The following VPS50 variants were observed in gnomAD, a reference collection of about 807,000 sequenced individuals.
The protein encoded by VPS50 is syndetin.
A neutral mutation model predicts 139.7 loss-of-function variants in VPS50; 70 were observed. That is an observed-to-expected ratio of 0.50 (90% confidence interval 0.41 to 0.61). The LOEUF is 0.61. Among genes scored for constraint, VPS50 ranks in the 20% least tolerant of loss-of-function variants. The pLI is 0.00. For synonymous variants in VPS50, 365 were observed against 376.7 expected (o/e 0.97, Z 0.36); for missense variants, 921 against 1,133.7 (o/e 0.81, Z 2.69).
chr7:93,237,937 G>A (rs1010583831), intron 1 of VPS50, among the ~76,000 whole-genome samples: 1 of 152,016 alleles, frequency 6.6e-6, no homozygotes, highest in African/African-American at 2.4e-5. Context: ...GTTTTCTTCT[G>A]TATGTTTCCA....
intron 20 of VPS50, among the ~76,000 whole-genome samples, chr7:93,321,375 C>T (rs1457067131): frequency 6.6e-6 from 1 of 152,144 alleles, no homozygotes; most frequent in Non-Finnish European, 1.5e-5. Flanking sequence ...GGCATATAAG[C>T]CTCCTCAAGC....
rs983762132 is a variant in VPS50 at position 93,356,098 on chromosome 7, G to A, written c.2775+18G>A. 2 of 1,272,926 alleles carry A rather than the reference G, an allele frequency of 1.6e-6. No homozygotes were observed. The highest frequency in any genetic ancestry group is 2.1e-6 in the Non-Finnish European group (2 of 943,232). The allele number at this position is 1,272,926 out of a possible 1,614,324, so 78.9% of individuals were successfully genotyped here. On this transcript the variant is annotated intron_variant, in intron 27 of 27. Coordinates refer to ENST00000305866, the MANE Select transcript of VPS50 (RefSeq NM_017667.4). ...AGCACAGGGTGAGAGCTGGAAAATAGTTAATTAAGTTTTTATTCCTTTTTC... is the reference window on the plus strand; with the variant it reads ...AGCACAGGGTGAGAGCTGGAAAATAATTAATTAAGTTTTTATTCCTTTTTC...
At chr7:93,343,178 T>G (rs1056801197) in intron 23 of VPS50, among the ~76,000 whole-genome samples, 1 of 151,824 alleles carries the variant, frequency 6.6e-6, no homozygotes, top group African/African-American at 2.4e-5. Flanking sequence ...GAGAACTACG[T>G]GAAGAATGCA....
chr7:93,344,145 C>G (rs1413745518), intron 23 of VPS50, among the ~76,000 whole-genome samples: 1 of 151,948 alleles, frequency 6.6e-6, no homozygotes. Context: ...ATCTACCAAG[C>G]AAATCGAAAA....
intron 9 of VPS50, among the ~76,000 whole-genome samples, chr7:93,269,022 G>A (rs776649995): frequency 4.6e-5 from 7 of 152,098 alleles, no homozygotes; most frequent in Non-Finnish European, 1.0e-4. Flanking sequence ...GAGATTTTCA[G>A]CTTTATTTGA....
intron 2 of VPS50, among the ~76,000 whole-genome samples, chr7:93,246,921 T>C (rs1217846308): frequency 6.6e-6 from 1 of 151,890 alleles, no homozygotes; most frequent in African/African-American, 2.4e-5. Context: ...CATAGCTGAA[T>C]CCCCAATTCC....
intron 16 of VPS50, among the ~76,000 whole-genome samples, chr7:93,299,125 T>C (rs901516056): frequency 6.6e-6 from 1 of 152,234 alleles, no homozygotes; most frequent in African/African-American, 2.4e-5. Flanking sequence ...AAGTTTAAGG[T>C]AGTCTAGTTT....
At chr7:93,323,171 AATATTTTCTTAAAT>A (rs1188381186) in intron 20 of VPS50, 1 of 152,148 alleles carries the variant, frequency 6.6e-6, no homozygotes, top group Admixed American at 6.5e-5. Context: ...ATGAAAAATA[AATATTTTCTTAAAT>A]ATATTTTATT....
chr7:93,358,214 C>T, intron 27 of VPS50, 103 bp from the exon 28 acceptor site: 2 of 1,017,568 alleles, frequency 2.0e-6, no homozygotes, highest in South Asian at 1.4e-5. Context: ...TTATAATGCT[C>T]AGTAACTATC....
intron 25 of VPS50, among the ~76,000 whole-genome samples, chr7:93,352,125 A>T (rs1798579303): frequency 6.6e-6 from 1 of 152,190 alleles, no homozygotes; most frequent in Non-Finnish European, 1.5e-5. Flanking sequence ...TAATTTAGCA[A>T]TAAGTAGAAT....
intron 13 of VPS50, among the ~76,000 whole-genome samples, chr7:93,293,354 T>C (rs907784593): frequency 5.3e-5 from 8 of 152,206 alleles, no homozygotes; most frequent in Non-Finnish European, 8.8e-5. Flanking sequence ...TATGTATATA[T>C]TCATCATGGT....
Position 93,265,397 on chromosome 7 carries a change from T to C in VPS50, c.659+5765T>C, listed in dbSNP as rs568368144. Among the ~76,000 whole-genome samples, 191 of 152,220 alleles carry C rather than the reference T, an allele frequency of 1.3e-3. 1 individual carries two copies. The highest frequency in any genetic ancestry group is 4.4e-3 in the African/African-American group (182 of 41,558). ...CTGTAGACAAAAAGTAAACAAACGG[T>C]TGTGGCTATGTTCTACTAAAACTTT... On this transcript the variant is annotated intron_variant, in intron 9 of 27. Coordinates refer to ENST00000305866, the MANE Select transcript of VPS50 (RefSeq NM_017667.4).
Position 93,326,454 on chromosome 7 carries a change from AAAAAAAAAAT to A in VPS50, c.1977+2727_1977+2736del, listed in dbSNP as rs1370802256. ...CTAAAACTTAAAGTATAATAATAAT[AAAAAAAAAAT>A]AAAATAAAATAAAATAATACAGTAT... On this transcript the variant is annotated intron_variant, in intron 21 of 27. Transcript: ENST00000305866. 3.4e-3 allele frequency among the ~76,000 whole-genome samples: 295 copies of A among 86,648 alleles called. 2 individuals carry two copies. The highest frequency in any genetic ancestry group is 0.015 in the African/African-American group (278 of 18,324). 56.8% of individuals were successfully genotyped at this position (86,648 alleles called of 152,430 possible).
At chr7:93,253,125 G>A (rs1795384832) in intron 3 of VPS50, among the ~76,000 whole-genome samples, 1 of 152,118 alleles carries the variant, frequency 6.6e-6, no homozygotes, top group Non-Finnish European at 1.5e-5. Context: ...GTTTAGTGAT[G>A]ATAAAAATTC....
At chr7:93,277,347 T>G (rs1796188264) in intron 12 of VPS50, among the ~76,000 whole-genome samples, 1 of 152,216 alleles carries the variant, frequency 6.6e-6, no homozygotes, top group Non-Finnish European at 1.5e-5. Context: ...ATTTCTTCCT[T>G]TAGCCTAAGA....
Position 93,356,013 on chromosome 7 carries a change from T to G in VPS50, c.2708T>G (p.Val903Gly). The G allele has an allele frequency of 6.3e-7, 1 of 1,583,074 alleles. No individual in the cohort carries two copies. Among genetic ancestry groups the G allele is most frequent in the Non-Finnish European group, 8.6e-7 (1 of 1,156,652 alleles). The change falls in exon 27 of 28, where the codon GTA (valine) becomes GGA (glycine). Residue 903 changes from valine (V) to glycine (G), a missense_variant. Physicochemically the swap from Val to Gly is moderately radical, Grantham distance 109 (BLOSUM62 -3). Transcript: ENST00000305866. ...AGACCCATTCCTGATAAAGAATTTG[T>G]AGAAACTTATATTAAAGCTTATTAC... ...DIRPIPDKEF[V>G]ETYIKAYYLT...
In VPS50 at chr7:93,303,476, C is replaced by T. The variant is rs771109088; in HGVS notation, c.1378C>T (p.Leu460=). 8.3e-6 allele frequency: 13 copies of T among 1,567,418 alleles called. No homozygotes were observed. The highest frequency in any genetic ancestry group is 4.1e-5 in the African/African-American group (3 of 73,640). ...KNYHRTRLDE[L]RMFLENETWE... is the part of the protein sequence containing the mutation. The stretch of plus-strand genomic sequence containing the variant: ...TTTTTTAAGAACACGGCTCGATGAA[C>T]TGAGAATGTTCTTAGAGAATGAGAC... The change falls in exon 17 of 28, where the codon CTG becomes TTG. Residue 460 remains leucine, a synonymous_variant. Transcript: ENST00000305866.
chr7:93,248,070 T>C (rs1795208130), intron 2 of VPS50, among the ~76,000 whole-genome samples: 1 of 151,980 alleles, frequency 6.6e-6, no homozygotes, highest in South Asian at 2.1e-4. Context: ...AGCATTTATA[T>C]CACTATTAAT....
chr7:93,282,105 G>A (rs1796346745), intron 12 of VPS50, among the ~76,000 whole-genome samples: 3 of 151,956 alleles, frequency 2.0e-5, no homozygotes, highest in African/African-American at 7.3e-5. Context: ...TCGGGAGGCT[G>A]AGGCAGGAGA....
Sources: gnomAD v4.1 joint callset for allele counts (sites outside exome capture counted in the v4.1 genomes callset) on GRCh38, gnomAD v4.1.1 for gene constraint, MANE v1.5 for transcripts, NCBI Gene and HGNC (gene_info 2026-07-23, HGNC 2026-07-21) for gene names.